EGFLAM: variants seen among roughly 807,000 people sequenced by gnomAD.
The protein encoded by EGFLAM is pikachurin.
EGFLAM carries 79 observed loss-of-function variants against 113.1 expected under a neutral mutation model. The ratio of observed to expected loss-of-function variants is 0.70; its 90% CI spans 0.58 to 0.84. The LOEUF (loss-of-function observed/expected upper bound fraction) is 0.84. EGFLAM is among the 40% of genes least tolerant of loss of function. The pLI, the probability that EGFLAM is intolerant of heterozygous loss-of-function variation, is 0.00. For synonymous variants in EGFLAM, 504 were observed against 487.6 expected (o/e 1.03, Z -0.44); for missense variants, 1,265 against 1,291.6 (o/e 0.98, Z 0.32).
At chr5:38,296,001 G>GGGAC (rs1488706779) in intron 1 of EGFLAM, among the ~76,000 whole-genome samples, 2 of 152,164 alleles carry the variant, frequency 1.3e-5, no homozygotes, top group Non-Finnish European at 2.9e-5. Flanking sequence ...GGTTGGGTGG[G>GGGAC]GGACGGGTTG....
chr5:38,396,999 C>T (rs1273224634), intron 6 of EGFLAM, among the ~76,000 whole-genome samples: 1 of 152,126 alleles, frequency 6.6e-6, no homozygotes, highest in Non-Finnish European at 1.5e-5. Flanking sequence ...CAAAAGGCAA[C>T]ACCCCACAGG....
At chr5:38,456,323 T>C (rs192369318) in intron 19 of EGFLAM, among the ~76,000 whole-genome samples, 62 of 152,268 alleles carry the variant, frequency 4.1e-4, no homozygotes, top group Non-Finnish European at 6.9e-4. Flanking sequence ...GGCAGGTCCG[T>C]TGAATCTGAG....
chr5:38,281,271 C>A (rs1758014975), intron 1 of EGFLAM, among the ~76,000 whole-genome samples: 1 of 151,740 alleles, frequency 6.6e-6, no homozygotes, highest in Non-Finnish European at 1.5e-5. Context: ...AAAGTATGAA[C>A]TAAATAAAGA....
At chr5:38,367,124 C>T (rs1050627370) in intron 5 of EGFLAM, among the ~76,000 whole-genome samples, 1 of 152,112 alleles carries the variant, frequency 6.6e-6, no homozygotes, top group African/African-American at 2.4e-5. Context: ...AGTGTATGCC[C>T]TGCTGGTGGC....
intron 1 of EGFLAM, 142 bp downstream of exon 1, chr5:38,258,993 A>G (rs776310096): frequency 1.1e-6 from 1 of 932,830 alleles, no homozygotes; most frequent in East Asian, 2.9e-5. Flanking sequence ...CCAGGAGCTG[A>G]GAAAAGACGC....
chr5:38,274,149 G>A (rs1035574797), intron 1 of EGFLAM, among the ~76,000 whole-genome samples: 5 of 152,024 alleles, frequency 3.3e-5, no homozygotes, highest in South Asian at 2.1e-4. Flanking sequence ...AATATACAGC[G>A]AGGATTAAAA....
chr5:38,407,967 A>T (rs1741347930), intron 9 of EGFLAM, 62 bp downstream of exon 9: 8 of 1,319,882 alleles, frequency 6.1e-6, no homozygotes, highest in Non-Finnish European at 8.7e-6. Flanking sequence ...AATGTGCTAC[A>T]TTCAAAGGCT....
intron 6 of EGFLAM, among the ~76,000 whole-genome samples, chr5:38,390,448 T>G (rs1355019488): frequency 2.0e-5 from 3 of 152,204 alleles, no homozygotes; most frequent in Non-Finnish European, 2.9e-5. Flanking sequence ...GAAACCATAT[T>G]ACAATGAACA....
chr5:38,268,178 A>T (rs1757679502), intron 1 of EGFLAM, among the ~76,000 whole-genome samples: 3 of 152,164 alleles, frequency 2.0e-5, no homozygotes, highest in African/African-American at 4.8e-5. Flanking sequence ...GGTAATTAGC[A>T]TTACCTATTG....
At chr5:38,282,675 T>G (rs1758048159) in intron 1 of EGFLAM, 1 of 152,218 alleles carries the variant, frequency 6.6e-6, no homozygotes, top group African/African-American at 2.4e-5. Flanking sequence ...TAACTTTATT[T>G]AGAAACTTAA....
chr5:38,448,509 G>C (rs1441653689), intron 18 of EGFLAM, 130 bp downstream of exon 18: 2 of 872,604 alleles, frequency 2.3e-6, no homozygotes, highest in Non-Finnish European at 3.6e-6. Context: ...CATGGCCTCA[G>C]GGGAAAAACA....
chr5:38,385,390 A>G (rs1740635132), intron 6 of EGFLAM, among the ~76,000 whole-genome samples: 1 of 150,930 alleles, frequency 6.6e-6, no homozygotes, highest in Admixed American at 6.7e-5. Flanking sequence ...ACTCTCCTGT[A>G]TCCTTTAAAT....
chr5:38,261,210 G>A (rs2111676669), intron 1 of EGFLAM, among the ~76,000 whole-genome samples: 1 of 152,288 alleles, frequency 6.6e-6, no homozygotes, highest in South Asian at 2.1e-4. Flanking sequence ...TCTAGTTTGG[G>A]TTCAACACAA....
intron 1 of EGFLAM, among the ~76,000 whole-genome samples, chr5:38,285,031 T>C (rs1758121575): frequency 6.6e-6 from 1 of 152,218 alleles, no homozygotes; most frequent in Non-Finnish European, 1.5e-5. Context: ...ATAATTACAG[T>C]AGAAACTCTC....
chr5:38,445,526 A>C (rs1742678011), intron 17 of EGFLAM: 2 of 1,554,072 alleles, frequency 1.3e-6, no homozygotes, highest in South Asian at 1.2e-5. Context: ...GCTCATATTC[A>C]CATTCCCTAA....
chr5:38,279,595 G>C (rs1757967617), intron 1 of EGFLAM, among the ~76,000 whole-genome samples: 1 of 152,164 alleles, frequency 6.6e-6, no homozygotes, highest in Non-Finnish European at 1.5e-5. Context: ...AAGGCATTAT[G>C]TTAAGTGAAA....
chr5:38,461,897 G>A lies in EGFLAM; in HGVS notation c.2772-1011G>A, dbSNP rs145547766. ...TTCTGAGCCACTGGCCGGGTGCAGT[G>A]GCTCACGCCTGTAATCCCAGCACTT... On this transcript the variant is annotated intron_variant, in intron 20 of 21. Transcript: ENST00000322350. 9.6e-3 allele frequency among the ~76,000 whole-genome samples: 1,456 copies of A among 152,214 alleles called. 38 individuals are homozygous for A. Among genetic ancestry groups the A allele is most frequent in the East Asian group, 0.084 (432 of 5,144 alleles).
intron 1 of EGFLAM, among the ~76,000 whole-genome samples, chr5:38,320,861 T>TCATGGGC (rs901897871): frequency 2.0e-5 from 3 of 152,106 alleles, no homozygotes; most frequent in African/African-American, 7.2e-5. Context: ...TCTTACCATC[T>TCATGGGC]CATGGGCCTG....
intron 6 of EGFLAM, among the ~76,000 whole-genome samples, chr5:38,398,411 A>G (rs146932921): frequency 3.8e-4 from 58 of 152,364 alleles, no homozygotes; most frequent in African/African-American, 1.3e-3. Context: ...AAATCATCAC[A>G]TAAATAAGCA....
Sources: gnomAD v4.1 joint callset for allele counts (sites outside exome capture counted in the v4.1 genomes callset) on GRCh38, gnomAD v4.1.1 for gene constraint, MANE v1.5 for transcripts, NCBI Gene and HGNC (gene_info 2026-07-23, HGNC 2026-07-21) for gene names.